The following CEP162 variants were observed in gnomAD, a reference collection of about 807,000 sequenced individuals.
CEP162 encodes centrosomal protein 162.
A neutral mutation model predicts 169.2 loss-of-function variants in CEP162; 141 were observed. The ratio of observed to expected loss-of-function variants is 0.83; its 90% CI spans 0.73 to 0.96. The LOEUF (loss-of-function observed/expected upper bound fraction) is 0.96. Among genes scored for constraint, CEP162 ranks in the 40% least tolerant of loss-of-function variants. The pLI, the probability that CEP162 is intolerant of heterozygous loss-of-function variation, is 0.00. For synonymous variants in CEP162, 540 were observed against 526.4 expected, an observed-to-expected ratio of 1.03 and a Z score of -0.35; for missense variants, 1,600 against 1,587.2, an observed-to-expected ratio of 1.01 and a Z score of -0.14.
intron 13 of CEP162, among the ~76,000 whole-genome samples, chr6:84,183,460 C>CA (rs886122904): frequency 6.6e-6 from 1 of 152,098 alleles, no homozygotes; most frequent in Non-Finnish European, 1.5e-5. Flanking sequence ...GTAATGCAAT[C>CA]ACTCCCCAGT....
At chr6:84,203,710 C>A (rs1166422502) in intron 7 of CEP162, among the ~76,000 whole-genome samples, 2 of 152,124 alleles carry the variant, frequency 1.3e-5, no homozygotes, top group African/African-American at 4.8e-5. Flanking sequence ...CCTCAGCCTC[C>A]CAAAGTGCTG....
At chr6:84,187,299 A>G (rs947793467) in intron 11 of CEP162, among the ~76,000 whole-genome samples, 6 of 152,206 alleles carry the variant, frequency 3.9e-5, no homozygotes, top group Admixed American at 3.9e-4. Flanking sequence ...CTCCAAAAAT[A>G]TGGGAACTGT....
At chr6:84,136,794 A>G (rs749135069) in intron 25 of CEP162, among the ~76,000 whole-genome samples, 29 of 152,236 alleles carry the variant, frequency 1.9e-4, no homozygotes, top group Non-Finnish European at 3.5e-4. Flanking sequence ...TAAAGACACT[A>G]GAAGTGGCTA....
chr6:84,128,674 C>T (rs1370672892), intron 25 of CEP162, among the ~76,000 whole-genome samples: 1 of 152,060 alleles, frequency 6.6e-6, no homozygotes, highest in Non-Finnish European at 1.5e-5. Flanking sequence ...ACACTTTGCA[C>T]AGTTCCTAGT....
chr6:84,212,553 GCCAAAA>G, intron 6 of CEP162, among the ~76,000 whole-genome samples: 15 of 151,492 alleles, frequency 9.9e-5, no homozygotes, highest in Non-Finnish European at 7.4e-5. Context: ...TAGCTAAAAA[GCCAAAA>G]TAAGAATAAA....
chr6:84,201,814 T>G, intron 7 of CEP162, 47 bp from the exon 8 acceptor site: 1 of 990,736 alleles, frequency 1.0e-6, no homozygotes, highest in Non-Finnish European at 1.5e-6. Flanking sequence ...ACCAAAATTA[T>G]GTAAAATTAC....
chr6:84,200,751 C>T (rs1309630678), intron 9 of CEP162, 38 bp downstream of exon 9: 4 of 981,700 alleles, frequency 4.1e-6, no homozygotes, highest in Non-Finnish European at 6.6e-6. Flanking sequence ...TAAAGCATTC[C>T]ATATTTAGAG....
At chr6:84,142,042 AC>A (rs1360084797) in intron 25 of CEP162, among the ~76,000 whole-genome samples, 1 of 151,954 alleles carries the variant, frequency 6.6e-6, no homozygotes, top group Non-Finnish European at 1.5e-5. Flanking sequence ...AACTAAAACA[AC>A]CCCCACATAC....
At chr6:84,134,999 G>GCATA (rs770883412) in intron 25 of CEP162, among the ~76,000 whole-genome samples, 28 of 150,290 alleles carry the variant, frequency 1.9e-4, no homozygotes, top group African/African-American at 6.1e-4. Flanking sequence ...TCATATGCAT[G>GCATA]CATACATACA....
At chr6:84,144,955 CA>C (rs2099518181) in intron 25 of CEP162, among the ~76,000 whole-genome samples, 1 of 152,002 alleles carries the variant, frequency 6.6e-6, no homozygotes, top group Non-Finnish European at 1.5e-5. Flanking sequence ...TGCATAAGTT[CA>C]GTAAGAATCT....
At chr6:84,165,577 C>T (rs1331433583) in intron 18 of CEP162, among the ~76,000 whole-genome samples, 1 of 152,040 alleles carries the variant, frequency 6.6e-6, no homozygotes, top group Non-Finnish European at 1.5e-5. Flanking sequence ...CTTTATTAGG[C>T]TGAAGGCTCT....
In CEP162 at chr6:84,152,635, T is replaced by G. The variant is rs2129202266; in HGVS notation, c.3539A>C (p.Lys1180Thr). The change falls in exon 23 of 27, where the codon AAA becomes ACA. Residue 1180 changes from lysine to threonine, a missense_variant. By Grantham distance (78) the Lys-to-Thr change is moderately conservative. Transcript: ENST00000403245. ...SEVLQENYRLKNELEGLISEK... is the reference protein window; with the variant it reads ...SEVLQENYRLTNELEGLISEK... The stretch of plus-strand genomic sequence containing the variant: ...TGAAATTAATCCTTCTAGCTCATTT[T>G]TTAATCTGTAGTTTTCTTGTAAAAC... The G allele has an allele frequency of 6.3e-7, 1 of 1,592,930 alleles. No individual in the cohort carries two copies. The highest frequency in any genetic ancestry group is 8.6e-7 in the Non-Finnish European group (1 of 1,168,522).
chr6:84,154,913 C>A (rs1210205990), intron 22 of CEP162, among the ~76,000 whole-genome samples: 1 of 152,082 alleles, frequency 6.6e-6, no homozygotes, highest in Non-Finnish European at 1.5e-5. Context: ...AAAATGTATA[C>A]TTCTGTCTTA....
At chr6:84,184,962 A>C (rs1326029760) in intron 13 of CEP162, among the ~76,000 whole-genome samples, 1 of 151,916 alleles carries the variant, frequency 6.6e-6, no homozygotes, top group Non-Finnish European at 1.5e-5. Context: ...CCAGTTGCTC[A>C]AGCCAAAAAT....
At chr6:84,155,565 T>C in intron 21 of CEP162, 55 bp from the exon 22 acceptor site, 1 of 1,216,768 alleles carries the variant, frequency 8.2e-7, no homozygotes, top group Non-Finnish European at 1.2e-6. Flanking sequence ...ATGAATTCAG[T>C]AAAGTTTCAG....
chr6:84,139,468 A>G (rs746913448), intron 25 of CEP162, among the ~76,000 whole-genome samples: 15 of 152,308 alleles, frequency 9.8e-5, no homozygotes, highest in Middle Eastern at 3.4e-3. Flanking sequence ...CTTTTGTTAC[A>G]GTGGCCTGTC....
intron 18 of CEP162, among the ~76,000 whole-genome samples, chr6:84,164,613 G>A (rs1305134107): frequency 1.3e-5 from 2 of 152,082 alleles, no homozygotes; most frequent in East Asian, 1.9e-4. Context: ...ACCGAACACT[G>A]CATGTTCTCA....
intron 23 of CEP162, among the ~76,000 whole-genome samples, chr6:84,150,340 A>G (rs2099520631): frequency 6.6e-6 from 1 of 152,222 alleles, no homozygotes; most frequent in East Asian, 1.9e-4. Flanking sequence ...TCCTACAGAT[A>G]AACATTTTCT....
chr6:84,165,879 G>A (rs2099527621), intron 18 of CEP162, among the ~76,000 whole-genome samples: 1 of 152,178 alleles, frequency 6.6e-6, no homozygotes, highest in African/African-American at 2.4e-5. Context: ...TTAATCTTCT[G>A]TAGATGTCCT....
Sources: gnomAD v4.1 joint callset for allele counts (sites outside exome capture counted in the v4.1 genomes callset) on GRCh38, gnomAD v4.1.1 for gene constraint, MANE v1.5 for transcripts, NCBI Gene and HGNC (gene_info 2026-07-23, HGNC 2026-07-21) for gene names.